Variants in CD36 observed in about 807,000 individuals in gnomAD.
The protein encoded by CD36 is platelet glycoprotein 4.
A neutral mutation model predicts 55.2 loss-of-function variants in CD36; 119 were observed. The ratio of observed to expected loss-of-function variants is 2.15; its 90% CI spans 1.86 to 2.51. The LOEUF (loss-of-function observed/expected upper bound fraction) is 2.51. Ranked by LOEUF, CD36 falls within the 30% of genes most tolerant of loss-of-function variation. CD36 has a pLI of 0.00. For synonymous variants in CD36, 186 were observed against 193.6 expected (o/e 0.96, Z 0.33); for missense variants, 819 against 555.5 (o/e 1.47, Z -4.77).
chr7:80,666,323 G>A (rs1335732017), intron 7 of CD36, 120 bp from the exon 8 acceptor site: 2 of 727,042 alleles, frequency 2.8e-6, no homozygotes, highest in Admixed American at 2.0e-5. Flanking sequence ...CTTAAACTTA[G>A]TACTTGTCAC....
chr7:80,604,176 C>T (rs556120822), intron 1 of CD36, among the ~76,000 whole-genome samples: 1 of 151,898 alleles, frequency 6.6e-6, no homozygotes, highest in East Asian at 1.9e-4. Context: ...GACTAGAATC[C>T]TCAGTCATGT....
intron 3 of CD36, among the ~76,000 whole-genome samples, chr7:80,648,090 CAT>C (rs769694574): frequency 3.9e-5 from 6 of 152,138 alleles, no homozygotes; most frequent in African/African-American, 9.6e-5. Flanking sequence ...ACTGAAAAAA[CAT>C]ATGTAAATTA....
chr7:80,631,678 A>G (rs1417401670), intron 1 of CD36, among the ~76,000 whole-genome samples: 1 of 151,842 alleles, frequency 6.6e-6, no homozygotes, highest in Non-Finnish European at 1.5e-5. Context: ...TGTATTATAG[A>G]ATAGTAGTCT....
intron 1 of CD36, among the ~76,000 whole-genome samples, chr7:80,626,530 G>T (rs1306052886): frequency 2.6e-5 from 4 of 152,094 alleles, no homozygotes; most frequent in East Asian, 3.9e-4. Flanking sequence ...AATAAAAATG[G>T]TCTGCAAATT....
chr7:80,636,743 G>A (rs1201315661), upstream of CD36: 2 of 152,024 alleles, frequency 1.3e-5, no homozygotes, highest in Non-Finnish European at 2.9e-5. Context: ...ACTTTAAAAT[G>A]GGTACAGCAT....
intron 7 of CD36, among the ~76,000 whole-genome samples, chr7:80,665,018 C>T (rs1796923711): frequency 6.6e-6 from 1 of 151,998 alleles, no homozygotes; most frequent in Non-Finnish European, 1.5e-5. Flanking sequence ...TGACCTTCCC[C>T]CTGCAAATAG....
At chr7:80,675,738 C>T (rs1239108489) in intron 14 of CD36, among the ~76,000 whole-genome samples, 1 of 151,964 alleles carries the variant, frequency 6.6e-6, no homozygotes, top group Non-Finnish European at 1.5e-5. Context: ...GATTTGTAAA[C>T]AATAGGAACA....
At chr7:80,653,199 G>A (rs551107417) in intron 3 of CD36, among the ~76,000 whole-genome samples, 4 of 152,102 alleles carry the variant, frequency 2.6e-5, no homozygotes, top group Non-Finnish European at 5.9e-5. Flanking sequence ...AATCTAACTC[G>A]TAGATTAAAA....
At position 80,660,628 on chromosome 7, in the gene CD36, A is replaced by G. The variant is rs572956735; in HGVS notation, c.282-435A>G. On this transcript the variant is annotated intron_variant, in intron 4 of 14. Transcript: ENST00000447544. ...TTACTCTGTAATCCAACCACACTCA[A>G]ATATCTGCATTTCCCAAAACATATT... 1.8e-4 allele frequency among the ~76,000 whole-genome samples: 28 copies of G among 152,268 alleles called. No homozygotes were observed. The South Asian group carries it at 5.8e-3, about 32-fold the overall frequency.
At chr7:80,620,729 G>A (rs972658577) in intron 1 of CD36, among the ~76,000 whole-genome samples, 3 of 152,116 alleles carry the variant, frequency 2.0e-5, no homozygotes, top group African/African-American at 7.2e-5. Context: ...GTGAAAGGAG[G>A]GCTAGAGGGA....
chr7:80,671,991 G>T lies in CD36; in HGVS notation c.1076G>T (p.Gly359Val). The change falls in exon 11 of 15, where the codon GGA becomes GTA. Residue 359 changes from glycine (G) to valine (V), a missense_variant. Physicochemically the swap from Gly to Val is moderately radical, Grantham distance 109. Coordinates refer to ENST00000447544, the MANE Select transcript of CD36 (RefSeq NM_001001548.3). ...ASPDVSEPIDGLNPNEEEHRT... is the reference protein window; with the variant it reads ...ASPDVSEPIDVLNPNEEEHRT... The stretch of plus-strand genomic sequence containing the variant: ...CCTGATGTTTCAGAACCTATTGATG[G>T]ATTAAACCCAAATGAAGAAGAACAT... The T allele has an allele frequency of 1.2e-6, 2 of 1,609,130 alleles. No homozygotes were observed. Among genetic ancestry groups the T allele is most frequent in the Non-Finnish European group, 1.7e-6 (2 of 1,176,236 alleles).
At chr7:80,625,663 TACCC>T (rs1332626814) in intron 1 of CD36, among the ~76,000 whole-genome samples, 1 of 152,164 alleles carries the variant, frequency 6.6e-6, no homozygotes, top group Non-Finnish European at 1.5e-5. Flanking sequence ...GATTTATAAT[TACCC>T]ACGTTACCTA....
intron 8 of CD36, among the ~76,000 whole-genome samples, chr7:80,668,870 T>C (rs903787585): frequency 1.1e-4 from 16 of 152,222 alleles, no homozygotes; most frequent in Non-Finnish European, 2.1e-4. Context: ...CTCGTATTAG[T>C]GATATTCATG....
chr7:80,616,234 C>T lies in CD36; in HGVS notation c.-184+13855C>T, dbSNP rs189053853. Among the ~76,000 whole-genome samples, 61 of 152,226 alleles carry T rather than the reference C, an allele frequency of 4.0e-4. 2 individuals carry two copies. Among genetic ancestry groups the T allele is most frequent in the Admixed American group, 3.5e-3 (53 of 15,288 alleles). ...TAGCTTATCTTATATGTGCTCAGAACACTTACATTAGCCCACATTTGGGCA... is the reference window on the plus strand; with the variant it reads ...TAGCTTATCTTATATGTGCTCAGAATACTTACATTAGCCCACATTTGGGCA... On this transcript the variant is annotated intron_variant, in intron 1 of 13. Transcript: ENST00000309881.
intron 4 of CD36, among the ~76,000 whole-genome samples, chr7:80,659,326 A>G (rs1796338841): frequency 6.6e-6 from 1 of 152,184 alleles, no homozygotes. Context: ...GCTTGATTAC[A>G]CTTTGACAAG....
At chr7:80,670,898 A>C in intron 9 of CD36, 79 bp from the exon 10 acceptor site, 1 of 1,019,296 alleles carries the variant, frequency 9.8e-7, no homozygotes, top group African/African-American at 1.6e-5. Flanking sequence ...TTCTAAGTTA[A>C]AACAAGAATA....
chr7:80,664,353 A>C (rs1192545294), intron 6 of CD36, 53 bp from the exon 7 acceptor site: 3 of 953,246 alleles, frequency 3.1e-6, no homozygotes, highest in Non-Finnish European at 5.2e-6. Flanking sequence ...TGTATTGTAC[A>C]ACTTTGAAAA....
At chr7:80,671,676 A>G (rs1797686652) in intron 10 of CD36, among the ~76,000 whole-genome samples, 1 of 152,006 alleles carries the variant, frequency 6.6e-6, no homozygotes, top group Non-Finnish European at 1.5e-5. Flanking sequence ...GGAAGAAGAA[A>G]GAAAAAACTA....
At chr7:80,623,381 A>G (rs933052761) in intron 1 of CD36, among the ~76,000 whole-genome samples, 2 of 152,188 alleles carry the variant, frequency 1.3e-5, no homozygotes, top group African/African-American at 4.8e-5. Flanking sequence ...CATAGTGACC[A>G]TGTGATAAAT....
Sources: allele counts gnomAD v4.1 joint callset (sites outside exome capture counted in the v4.1 genomes callset), GRCh38; gene constraint gnomAD v4.1.1; transcripts MANE v1.5; gene names NCBI Gene and HGNC (gene_info 2026-07-23, HGNC 2026-07-21).